The following CHLSN variants were observed in gnomAD, a reference collection of about 807,000 sequenced individuals.
CHLSN encodes the protein cholesin, also known as protein cholesin.
the CHLSN span, among the ~76,000 whole-genome samples, chr7:1,011,438 CACCCAAACACGCCCACAG>C: frequency 1.4e-5 from 2 of 143,898 alleles, no homozygotes; most frequent in African/African-American, 2.7e-5. Context: ...AACACCCACA[CACCCAAACACGCCCACAG>C]ACACCCAGAC....
chr7:1,129,826 A>G, the CHLSN span, among the ~76,000 whole-genome samples: 63 of 152,374 alleles, frequency 4.1e-4, no homozygotes, highest in African/African-American at 1.5e-3. Flanking sequence ...CTAACTGGAC[A>G]TGAACACAAA....
At chr7:1,079,906 T>C in the CHLSN span, among the ~76,000 whole-genome samples, 1 of 152,238 alleles carries the variant, frequency 6.6e-6, no homozygotes, top group Non-Finnish European at 1.5e-5. Context: ...CACACAATTC[T>C]CAAGGTCCCG....
the CHLSN span, chr7:1,093,104 A>G: frequency 1.4e-5 from 9 of 661,476 alleles, no homozygotes; most frequent in East Asian, 2.8e-4. Flanking sequence ...CAGGGTCCAA[A>G]GGCCAGCGGT....
At chr7:1,026,005 A>G in the CHLSN span, 1 of 152,226 alleles carries the variant, frequency 6.6e-6, no homozygotes, top group Admixed American at 6.5e-5. Context: ...GGGCAGAAGC[A>G]GAAGCAGGCC....
the CHLSN span, among the ~76,000 whole-genome samples, chr7:1,096,762 C>T: frequency 3.1e-3 from 471 of 152,372 alleles, 1 homozygote; most frequent in African/African-American, 0.011. The surrounding 1 kb of genome is among the most constrained non-coding windows in gnomAD (Gnocchi z 4.6). Context: ...CTCTTGACCT[C>T]ACGAGAGTGA....
the CHLSN span, among the ~76,000 whole-genome samples, chr7:1,019,181 G>A: frequency 8.7e-6 from 1 of 115,260 alleles, no homozygotes; most frequent in Non-Finnish European, 1.7e-5. Context: ...GCAATAGAGT[G>A]AGACTCTGTC....
At chr7:1,009,719 C>T in the CHLSN span, among the ~76,000 whole-genome samples, 1 of 152,234 alleles carries the variant, frequency 6.6e-6, no homozygotes, top group Non-Finnish European at 1.5e-5. Context: ...AGCACAGTTC[C>T]AGGCAACCCC....
the CHLSN span, among the ~76,000 whole-genome samples, chr7:1,039,565 C>G: frequency 7.5e-5 from 4 of 53,322 alleles, 2 homozygotes; most frequent in Non-Finnish European, 1.3e-4. Context: ...TCAGCCCCCC[C>G]GCCCGGCCAG....
At chr7:1,105,416 C>T in the CHLSN span, among the ~76,000 whole-genome samples, 2 of 152,174 alleles carry the variant, frequency 1.3e-5, no homozygotes, top group Non-Finnish European at 2.9e-5. Context: ...TTGAGAACAA[C>T]AGGGGCTGCC....
chr7:987,757 T>A, the CHLSN span, among the ~76,000 whole-genome samples: 2 of 152,008 alleles, frequency 1.3e-5, no homozygotes, highest in African/African-American at 4.8e-5. Context: ...CTGCATGTCC[T>A]GGGGTCCCCT....
chr7:1,015,771 G>A, the CHLSN span, among the ~76,000 whole-genome samples: 10 of 152,182 alleles, frequency 6.6e-5, no homozygotes, highest in Non-Finnish European at 1.2e-4. Context: ...AGGCAGGAGC[G>A]CATCCCAACA....
the CHLSN span, among the ~76,000 whole-genome samples, chr7:1,082,558 G>A: frequency 1.1e-4 from 16 of 152,218 alleles, no homozygotes; most frequent in Middle Eastern, 3.2e-3. Flanking sequence ...CATGGGCCAC[G>A]CACCACACTC....
At chr7:1,054,628 G>C in the CHLSN span, among the ~76,000 whole-genome samples, 1 of 152,184 alleles carries the variant, frequency 6.6e-6, no homozygotes, top group Non-Finnish European at 1.5e-5. Flanking sequence ...GCCTCACGGC[G>C]GGGCAGGCAT....
chr7:1,050,820 G>T, the CHLSN span, among the ~76,000 whole-genome samples: 1 of 152,306 alleles, frequency 6.6e-6, no homozygotes, highest in South Asian at 2.1e-4. Context: ...CGGAAACAGC[G>T]ACATCCACAG....
At chr7:1,093,484 G>A in the CHLSN span, 40 of 469,906 alleles carry the variant, frequency 8.5e-5, 1 homozygote, top group Middle Eastern at 6.6e-4. Flanking sequence ...CCAGGCCCAC[G>A]AGGAGCAGCA....
chr7:1,075,603 G>T, the CHLSN span, among the ~76,000 whole-genome samples: 1 of 133,152 alleles, frequency 7.5e-6, no homozygotes, highest in African/African-American at 2.8e-5. Context: ...CAACAAATCG[G>T]GTCACTTTTT....
At chr7:1,092,869 G>A in the CHLSN span, 356,140 of 1,604,782 alleles carry the variant, frequency 0.22, 41,966 homozygotes, top group Middle Eastern at 0.32. Context: ...AGCCTTGGCC[G>A]CATAGGCCCA....
chr7:981,204 G>A, the CHLSN span, among the ~76,000 whole-genome samples: 4,099 of 151,618 alleles, frequency 0.027, 190 homozygotes, highest in African/African-American at 0.093. Context: ...GCTGAGGCAG[G>A]AGGATCACTT....
At chr7:1,040,139 C>T in the CHLSN span, among the ~76,000 whole-genome samples, 102 of 118,666 alleles carry the variant, frequency 8.6e-4, 2 homozygotes, top group African/African-American at 2.6e-3. Context: ...GCCAAATCCC[C>T]CTCTGTGAGA....
Sources: gnomAD v4.1 joint callset for allele counts (sites outside exome capture counted in the v4.1 genomes callset) on GRCh38, gnomAD v4.1.1 for gene constraint, Gnocchi (gnomAD v3.1) non-coding constraint, MANE v1.5 for transcripts, NCBI Gene and HGNC (gene_info 2026-07-23, HGNC 2026-07-21) for gene names.